The following CLXN variants were observed in gnomAD, a reference collection of about 807,000 sequenced individuals.
CLXN encodes EF-hand calcium binding domain 1.
the CLXN span, among the ~76,000 whole-genome samples, chr8:48,717,396 A>C: frequency 6.6e-6 from 1 of 152,194 alleles, no homozygotes; most frequent in Non-Finnish European, 1.5e-5. Flanking sequence ...GCACTGAAAG[A>C]AAATAAAAAA....
At chr8:48,729,344 G>T in the CLXN span, among the ~76,000 whole-genome samples, 6 of 151,856 alleles carry the variant, frequency 4.0e-5, no homozygotes, top group Non-Finnish European at 2.9e-5. Flanking sequence ...GGGCAACATA[G>T]TGAGACCTCA....
the CLXN span, chr8:48,731,337 G>A: frequency 6.3e-7 from 1 of 1,581,028 alleles, no homozygotes; most frequent in Non-Finnish European, 8.6e-7. Flanking sequence ...TGAATCTTGT[G>A]TGTCTCTTAC....
chr8:48,716,399 G>T, the CLXN span: 1 of 152,530 alleles, frequency 6.6e-6, no homozygotes, highest in Non-Finnish European at 1.5e-5. Flanking sequence ...GAGGGAGCCG[G>T]CTCTGGCCTA....
chr8:48,726,875 A>T, the CLXN span, among the ~76,000 whole-genome samples: 1 of 98,528 alleles, frequency 1.0e-5, no homozygotes, highest in Non-Finnish European at 1.8e-5. Context: ...CTATCAATCT[A>T]TCTATCTATC....
the CLXN span, chr8:48,730,451 T>G: frequency 1.3e-6 from 1 of 771,210 alleles, no homozygotes; most frequent in East Asian, 3.1e-5. Flanking sequence ...ACAAACCCAC[T>G]TTACTGTCTT....
the CLXN span, among the ~76,000 whole-genome samples, chr8:48,719,854 C>T: frequency 9.9e-5 from 15 of 152,282 alleles, no homozygotes; most frequent in South Asian, 1.7e-3. Context: ...CTGGTAGAAA[C>T]GGTGCTCATT....
chr8:48,721,087 CTG>C, the CLXN span, among the ~76,000 whole-genome samples: 1 of 152,254 alleles, frequency 6.6e-6, no homozygotes, highest in African/African-American at 2.4e-5. Flanking sequence ...CAACAACACA[CTG>C]TTAGAACAAA....
At chr8:48,729,208 T>A in the CLXN span, 16 of 1,374,742 alleles carry the variant, frequency 1.2e-5, no homozygotes, top group Non-Finnish European at 1.6e-5. Context: ...ACATGCTCTT[T>A]TCATAGTCAA....
chr8:48,721,697 G>A, the CLXN span, among the ~76,000 whole-genome samples: 1 of 152,198 alleles, frequency 6.6e-6, no homozygotes, highest in Non-Finnish European at 1.5e-5. Flanking sequence ...ATACACAACA[G>A]GGAAAGGAGA....
chr8:48,726,449 C>T, the CLXN span, among the ~76,000 whole-genome samples: 4 of 149,266 alleles, frequency 2.7e-5, no homozygotes, highest in African/African-American at 9.9e-5. Context: ...TACCCACCCA[C>T]CTACCTCACC....
At chr8:48,724,743 C>A in the CLXN span, 1 of 1,608,552 alleles carries the variant, frequency 6.2e-7, no homozygotes, top group Non-Finnish European at 8.5e-7. Flanking sequence ...TTTAGTTATT[C>A]ACATATCATT....
chr8:48,728,076 G>T, the CLXN span, among the ~76,000 whole-genome samples: 1 of 152,084 alleles, frequency 6.6e-6, no homozygotes, highest in African/African-American at 2.4e-5. Flanking sequence ...GGAGACACAT[G>T]CTAGGGCTGG....
At chr8:48,729,680 C>T in the CLXN span, 495 of 1,553,978 alleles carry the variant, frequency 3.2e-4, 2 homozygotes, top group East Asian at 8.8e-3. Flanking sequence ...ATATCTGGCC[C>T]ACAAATTTTA....
At chr8:48,730,507 T>G in the CLXN span, 1 of 1,400,444 alleles carries the variant, frequency 7.1e-7, no homozygotes, top group Non-Finnish European at 1.0e-6. Context: ...TTATTCATAA[T>G]GTACGAACCA....
At chr8:48,722,596 G>A in the CLXN span, among the ~76,000 whole-genome samples, 2 of 152,184 alleles carry the variant, frequency 1.3e-5, no homozygotes, top group East Asian at 1.9e-4. Flanking sequence ...ATATACACAT[G>A]GCAGTTTTCA....
chr8:48,726,492 C>T, the CLXN span, among the ~76,000 whole-genome samples: 3 of 149,598 alleles, frequency 2.0e-5, no homozygotes, highest in African/African-American at 5.0e-5. Context: ...ATTCATCCAT[C>T]CATCCATCCA....
the CLXN span, chr8:48,716,673 G>C: frequency 6.6e-6 from 1 of 152,132 alleles, no homozygotes; most frequent in Non-Finnish European, 1.5e-5. Context: ...AACAGAAAAT[G>C]CAACAGACAG....
the CLXN span, chr8:48,711,271 G>A: frequency 0.015 from 2,296 of 152,052 alleles, 41 homozygotes; most frequent in Middle Eastern, 0.054. Flanking sequence ...CATCCGAGAC[G>A]GCCCAAAGAA....
chr8:48,726,247 TCCAA>T, the CLXN span, among the ~76,000 whole-genome samples: 2 of 132,908 alleles, frequency 1.5e-5, no homozygotes, highest in African/African-American at 5.9e-5. Flanking sequence ...CATCCATCCA[TCCAA>T]CCATCCATCA....
Sources: allele counts gnomAD v4.1 joint callset (sites outside exome capture counted in the v4.1 genomes callset), GRCh38; gene constraint gnomAD v4.1.1; transcripts MANE v1.5; gene names NCBI Gene and HGNC (gene_info 2026-07-23, HGNC 2026-07-21).